FREM3: variants seen among roughly 807,000 people sequenced by gnomAD.
FREM3 encodes the protein FRAS1-related extracellular matrix protein 3.
Under a neutral mutation model 129.1 loss-of-function variants are expected in FREM3, and 105 were observed. That is an observed-to-expected ratio of 0.81 (90% confidence interval 0.69 to 0.96). The LOEUF (loss-of-function observed/expected upper bound fraction) is 0.96. FREM3 is among the 40% of genes least tolerant of loss of function. The probability of loss-of-function intolerance (pLI) is 0.00; values close to 1 mark genes in which losing one functional copy is unlikely to be tolerated. For synonymous variants in FREM3, 1,014 were observed against 1,044.9 expected, an observed-to-expected ratio of 0.97 and a Z score of 0.57; for missense variants, 2,593 against 2,666.3, an observed-to-expected ratio of 0.97 and a Z score of 0.61.
rs1739064739 is a variant in FREM3, at chr4:143,627,651, A to G, written c.5385T>C (p.Leu1795=). The G allele has an allele frequency of 2.0e-6, 3 of 1,536,044 alleles. No homozygotes were observed. The highest frequency in any genetic ancestry group is 1.4e-5 in the African/African-American group (1 of 73,108). Residue 1795 remains leucine (L), a synonymous_variant, in exon 3 of 8, where the codon CTT becomes CTC. Coordinates refer to ENST00000329798, the MANE Select transcript of FREM3 (RefSeq NM_001168235.2). The part of the protein sequence containing the change: ...DEDSTFLEVT[L]TRRGYLGETS... Reference sequence around the variant, plus strand: ...TTTCTCCAAGGTATCCTCTGCGTGTAAGGGTCACTTCTAAGAATGTGGAAT... The same window carrying G: ...TTTCTCCAAGGTATCCTCTGCGTGTGAGGGTCACTTCTAAGAATGTGGAAT...
intron 2 of FREM3, among the ~76,000 whole-genome samples, chr4:143,678,894 T>C (rs569438196): frequency 2.0e-5 from 3 of 151,928 alleles, no homozygotes; most frequent in Admixed American, 2.0e-4. Flanking sequence ...AAGAACATAT[T>C]TTAAGTAGGT....
At chr4:143,662,891 A>G (rs1299051133) in intron 2 of FREM3, among the ~76,000 whole-genome samples, 132 of 152,026 alleles carry the variant, frequency 8.7e-4, no homozygotes, top group Admixed American at 2.2e-3. Flanking sequence ...TTTTATCAGA[A>G]ACTAGGATTG....
chr4:143,693,287 A>G, intron 1 of FREM3, 85 bp from the exon 2 acceptor site: 1 of 533,104 alleles, frequency 1.9e-6, no homozygotes, highest in Non-Finnish European at 3.2e-6. Context: ...TTAATTAGGC[A>G]TAGAAATACT....
intron 2 of FREM3, among the ~76,000 whole-genome samples, chr4:143,683,335 C>G (rs111941200): frequency 6.6e-5 from 10 of 152,058 alleles, no homozygotes; most frequent in Non-Finnish European, 5.9e-5. Context: ...CTGGGAGAGT[C>G]CCCCCCAAAC....
In FREM3 at chr4:143,667,835, C is replaced by T. The variant is rs564536787; in HGVS notation, c.5275+25278G>A. ...GTCTCAAAGGGAATTCAATTTCCCT[C>T]TCTTTAGTAGGATTTTCTTAGCAGA... On this transcript the variant is annotated intron_variant, in intron 2 of 7. Transcript: ENST00000329798. 3.9e-5 allele frequency among the ~76,000 whole-genome samples: 6 copies of T among 152,316 alleles called. No homozygotes were observed. In the East Asian group the frequency reaches 1.2e-3, roughly 29 times the overall value.
chr4:143,610,106 C>T lies in FREM3; in HGVS notation c.6028+1173G>A, dbSNP rs557331563. On this transcript the variant is annotated intron_variant, in intron 6 of 7. Transcript: ENST00000329798. ...GACGAAGAAAGCATGGATCTCAGGG[C>T]CTGTCCTTATTCTTAGCTCTTGATA... Among the ~76,000 whole-genome samples the T allele has an allele frequency of 3.3e-5, 5 of 152,222 alleles. No individual in the cohort carries two copies. The South Asian group carries it at 1.0e-3, about 32-fold the overall frequency.
chr4:143,686,099 T>G (rs1740359269), intron 2 of FREM3, among the ~76,000 whole-genome samples: 1 of 151,900 alleles, frequency 6.6e-6, no homozygotes, highest in Admixed American at 6.6e-5. Flanking sequence ...ACATAAAGAC[T>G]CACATAACTT....
intron 2 of FREM3, among the ~76,000 whole-genome samples, chr4:143,685,709 C>G (rs1463236715): frequency 6.6e-6 from 1 of 152,178 alleles, no homozygotes; most frequent in Non-Finnish European, 1.5e-5. Flanking sequence ...TCTAAATGCT[C>G]CACTTAAAAG....
At chr4:143,641,879 T>C (rs1739325829) in intron 2 of FREM3, among the ~76,000 whole-genome samples, 1 of 152,160 alleles carries the variant, frequency 6.6e-6, no homozygotes, top group South Asian at 2.1e-4. Flanking sequence ...AACTGTCAAA[T>C]TCATAAATCT....
intron 6 of FREM3, among the ~76,000 whole-genome samples, chr4:143,605,046 G>A (rs13149438): frequency 0.39 from 59,953 of 151,952 alleles, 12,140 homozygotes; most frequent in Middle Eastern, 0.44. Flanking sequence ...CCTGTACTAA[G>A]CAAGTGGCAG....
At chr4:143,658,566 C>A (rs1739640850) in intron 2 of FREM3, among the ~76,000 whole-genome samples, 1 of 152,198 alleles carries the variant, frequency 6.6e-6, no homozygotes, top group African/African-American at 2.4e-5. Context: ...TTTCCTGTTT[C>A]CTCAGTGTCC....
intron 2 of FREM3, among the ~76,000 whole-genome samples, chr4:143,652,755 A>C (rs1739535020): frequency 6.6e-6 from 1 of 152,136 alleles, no homozygotes; most frequent in Non-Finnish European, 1.5e-5. Context: ...TCAGCCTCTG[A>C]GTAGCTGGGA....
At chr4:143,596,419 C>T (rs1279353366) in intron 6 of FREM3, among the ~76,000 whole-genome samples, 2 of 152,126 alleles carry the variant, frequency 1.3e-5, no homozygotes, top group Non-Finnish European at 2.9e-5. Flanking sequence ...CTGAACAGCA[C>T]CCACTGACTA....
At position 143,697,771 on chromosome 4, in the gene FREM3, T is replaced by C; in HGVS notation, c.2905A>G (p.Met969Val). 7 of 1,537,606 alleles carry C rather than the reference T, an allele frequency of 4.6e-6. No homozygotes were observed. The highest frequency in any genetic ancestry group is 6.1e-6 in the Non-Finnish European group (7 of 1,146,986). ...VLENKATEIT[M>V]GVIHGKRKDV... Reference sequence around the variant, plus strand: ...TTCCTTTTGCCATGGATGACACCCATGGTAATTTCAGTGGCTTTATTCTCT... The same window carrying C: ...TTCCTTTTGCCATGGATGACACCCACGGTAATTTCAGTGGCTTTATTCTCT... Residue 969 changes from methionine to valine, a missense_variant, in exon 1 of 8, where the codon ATG (methionine) becomes GTG (valine). Met to Val is a conservative substitution (Grantham distance 21, BLOSUM62 1). This residue lies in a region of FREM3 where 2,276 missense variants were observed against 2,267.2 expected (regional missense o/e 1.00). Coordinates refer to ENST00000329798, the MANE Select transcript of FREM3 (RefSeq NM_001168235.2).
chr4:143,611,172 A>G (rs766049359), intron 6 of FREM3, 107 bp downstream of exon 6: 73 of 1,234,342 alleles, frequency 5.9e-5, no homozygotes, highest in Non-Finnish European at 7.8e-5. Flanking sequence ...AAGAACATCA[A>G]ATATTCTTTT....
intron 6 of FREM3, among the ~76,000 whole-genome samples, chr4:143,594,094 G>A (rs1738419363): frequency 6.6e-6 from 1 of 152,204 alleles, no homozygotes; most frequent in Admixed American, 6.5e-5. Context: ...GTAGTAGGGT[G>A]GGAGTGACAC....
chr4:143,666,051 C>T (rs1196464980), intron 2 of FREM3, among the ~76,000 whole-genome samples: 1 of 152,050 alleles, frequency 6.6e-6, no homozygotes, highest in Non-Finnish European at 1.5e-5. Context: ...ATATTGATTG[C>T]TCTTCTTAGT....
At chr4:143,678,504 A>G (rs906507223) in intron 2 of FREM3, among the ~76,000 whole-genome samples, 6 of 152,108 alleles carry the variant, frequency 3.9e-5, no homozygotes, top group African/African-American at 1.4e-4. Flanking sequence ...ACAAACCTGC[A>G]CATTGTGCAC....
intron 6 of FREM3, among the ~76,000 whole-genome samples, chr4:143,594,417 G>C (rs1362591568): frequency 6.6e-6 from 1 of 152,176 alleles, no homozygotes; most frequent in Non-Finnish European, 1.5e-5. Context: ...CTGTTCTCAA[G>C]GTCAGGCACC....
Sources: gnomAD v4.1 joint callset for allele counts (sites outside exome capture counted in the v4.1 genomes callset) on GRCh38, gnomAD v4.1.1 for gene constraint, gnomAD v4.1.1 regional missense constraint, MANE v1.5 for transcripts, NCBI Gene and HGNC (gene_info 2026-07-23, HGNC 2026-07-21) for gene names.